Variants in OPCML observed in about 807,000 individuals in gnomAD.
The protein encoded by OPCML is opioid binding protein/cell adhesion molecule like.
OPCML carries 13 observed loss-of-function variants against 37.8 expected under a neutral mutation model. The observed-to-expected ratio is 0.34, with a 90% CI of 0.22 to 0.55. The LOEUF (loss-of-function observed/expected upper bound fraction) is 0.55. Ranked by LOEUF, OPCML falls within the 20% of genes least tolerant of loss-of-function variation. The pLI is 0.91. For synonymous variants in OPCML, 176 were observed against 168.8 expected, an observed-to-expected ratio of 1.04 and a Z score of -0.33; for missense variants, 341 against 435.6, an observed-to-expected ratio of 0.78 and a Z score of 1.93.
At chr11:133,351,527 C>T (rs1944136665) in intron 1 of OPCML, among the ~76,000 whole-genome samples, 1 of 88,214 alleles carries the variant, frequency 1.1e-5, no homozygotes, top group Non-Finnish European at 2.4e-5. Flanking sequence ...ACTTCTGGGT[C>T]ACCTAAGCCT....
intron 1 of OPCML, among the ~76,000 whole-genome samples, chr11:133,391,741 G>T (rs1226207971): frequency 6.6e-6 from 1 of 152,164 alleles, no homozygotes; most frequent in Non-Finnish European, 1.5e-5. Context: ...TACAATAACA[G>T]CAAGAACTTA....
At chr11:133,261,029 G>C (rs1941479115) in intron 1 of OPCML, among the ~76,000 whole-genome samples, 2 of 152,122 alleles carry the variant, frequency 1.3e-5, no homozygotes, top group South Asian at 4.2e-4. Flanking sequence ...TGGTTTATAA[G>C]GTCAGTTCTT....
intron 1 of OPCML, among the ~76,000 whole-genome samples, chr11:133,227,175 T>C (rs1003437964): frequency 5.9e-5 from 9 of 152,296 alleles, no homozygotes; most frequent in Admixed American, 3.3e-4. Context: ...AGGGATCCTG[T>C]GAACTCCGAG....
chr11:132,576,684 G>T (rs570947225), intron 3 of OPCML, among the ~76,000 whole-genome samples: 135 of 152,018 alleles, frequency 8.9e-4, no homozygotes, highest in African/African-American at 3.2e-3. Flanking sequence ...CATTTTCCTT[G>T]ACTCTTTATG....
At position 133,039,637 on chromosome 11, in the gene OPCML, G is replaced by A. The variant is rs560480576; in HGVS notation, c.62-96627C>T. On this transcript the variant is annotated intron_variant, in intron 1 of 7. Coordinates refer to ENST00000524381, the MANE Select transcript of OPCML (RefSeq NM_001012393.5). The stretch of plus-strand genomic sequence containing the variant: ...CCAGATGCCAGGACCAGGGAGGTAC[G>A]GCTCATGAATCCCAGTGGCCTCAGC... 4.7e-4 allele frequency among the ~76,000 whole-genome samples: 71 copies of A among 152,280 alleles called. No individual in the cohort carries two copies. The South Asian group carries it at 0.013, about 28-fold the overall frequency.
intron 1 of OPCML, among the ~76,000 whole-genome samples, chr11:133,128,415 G>C (rs1414305506): frequency 6.6e-6 from 1 of 152,126 alleles, no homozygotes; most frequent in Non-Finnish European, 1.5e-5. Context: ...AAAATGGAAG[G>C]GGAATAATCT....
intron 2 of OPCML, among the ~76,000 whole-genome samples, chr11:132,743,933 C>T (rs988854977): frequency 6.6e-6 from 1 of 152,148 alleles, no homozygotes; most frequent in African/African-American, 2.4e-5. Flanking sequence ...GATTGTTCTC[C>T]CAGGCAGAAA....
intron 4 of OPCML, among the ~76,000 whole-genome samples, chr11:132,492,136 G>T (rs1394700300): frequency 6.6e-6 from 1 of 151,794 alleles, no homozygotes; most frequent in Admixed American, 6.6e-5. Context: ...GAGTATAAGA[G>T]GTGTCACCAG....
intron 1 of OPCML, among the ~76,000 whole-genome samples, chr11:133,438,100 T>C (rs1320022910): frequency 6.6e-6 from 1 of 152,230 alleles, no homozygotes; most frequent in Non-Finnish European, 1.5e-5. Context: ...TGATGCTTGA[T>C]GTTTTAAAAA....
intron 1 of OPCML, among the ~76,000 whole-genome samples, chr11:133,487,308 A>G (rs1947550966): frequency 6.6e-6 from 1 of 152,054 alleles, no homozygotes; most frequent in Admixed American, 6.5e-5. Context: ...CGTGCTCCCC[A>G]CTGGTCTTTT....
chr11:133,212,272 T>C lies in OPCML; in HGVS notation c.62-269262A>G, dbSNP rs1228634999. ...TGCACAAAGTCCTCCTAATAGTCCG[T>C]GACAGCCTACACAGCTGGGCATCAT... On this transcript the variant is annotated intron_variant, in intron 1 of 7. Coordinates refer to ENST00000524381, the MANE Select transcript of OPCML (RefSeq NM_001012393.5). This position sits in a 1 kb window ranked among gnomAD's most constrained non-coding sequence, Gnocchi z 4.9. 6.6e-6 allele frequency among the ~76,000 whole-genome samples: 1 copy of C among 152,184 alleles called. No individual in the cohort carries two copies. The highest frequency in any genetic ancestry group is 2.4e-5 in the African/African-American group (1 of 41,442).
intron 1 of OPCML, among the ~76,000 whole-genome samples, chr11:133,323,084 G>A (rs762533073): frequency 2.6e-5 from 4 of 152,244 alleles, no homozygotes; most frequent in East Asian, 1.9e-4. Context: ...CCACCAGCAC[G>A]TTGACCACCA....
At chr11:133,051,765 C>T (rs917677659) in intron 1 of OPCML, among the ~76,000 whole-genome samples, 6 of 152,198 alleles carry the variant, frequency 3.9e-5, no homozygotes, top group African/African-American at 7.2e-5. Flanking sequence ...CCACTGACAC[C>T]GCACAGAAGA....
chr11:133,247,650 C>T (rs1940987606), intron 1 of OPCML, among the ~76,000 whole-genome samples: 1 of 148,122 alleles, frequency 6.8e-6, no homozygotes, highest in South Asian at 2.1e-4. Flanking sequence ...ATTGCCCAGG[C>T]TAGAGTGCAG....
intron 1 of OPCML, among the ~76,000 whole-genome samples, chr11:133,485,703 C>A (rs899193750): frequency 4.6e-5 from 7 of 152,138 alleles, no homozygotes; most frequent in South Asian, 2.1e-4. Context: ...ATATGCAAAT[C>A]CACCTACTTG....
chr11:132,572,489 C>T (rs2096440957), intron 3 of OPCML, among the ~76,000 whole-genome samples: 1 of 152,102 alleles, frequency 6.6e-6, no homozygotes, highest in African/African-American at 2.4e-5. Context: ...GTTTTCCCAA[C>T]AGCCTTGATA....
At chr11:132,479,779 G>GGGCT (rs2096172325) in intron 4 of OPCML, among the ~76,000 whole-genome samples, 1 of 151,960 alleles carries the variant, frequency 6.6e-6, no homozygotes, top group East Asian at 1.9e-4. Context: ...ACACCTCACA[G>GGGCT]GGCCGGGTAC....
At chr11:132,696,057 C>A (rs959599639) in intron 2 of OPCML, among the ~76,000 whole-genome samples, 1 of 152,222 alleles carries the variant, frequency 6.6e-6, no homozygotes, top group South Asian at 2.1e-4. Context: ...ACACAGACAG[C>A]CCACTATTAA....
chr11:132,566,211 C>A (rs947236791), intron 3 of OPCML, among the ~76,000 whole-genome samples: 3 of 152,160 alleles, frequency 2.0e-5, no homozygotes, highest in Non-Finnish European at 2.9e-5. Context: ...CTTTTCTTTT[C>A]TTTTTCTGTT....
Sources: gnomAD v4.1 joint callset for allele counts (sites outside exome capture counted in the v4.1 genomes callset) on GRCh38, gnomAD v4.1.1 for gene constraint, Gnocchi (gnomAD v3.1) non-coding constraint, MANE v1.5 for transcripts, NCBI Gene and HGNC (gene_info 2026-07-23, HGNC 2026-07-21) for gene names.